MDGA2: variants seen among roughly 807,000 people sequenced by gnomAD.
The protein encoded by MDGA2 is MAM domain-containing glycosylphosphatidylinositol anchor protein 2.
MDGA2 carries 40 observed loss-of-function variants against 117.8 expected under a neutral mutation model. That is an observed-to-expected ratio of 0.34 (90% CI 0.26 to 0.44). The LOEUF (loss-of-function observed/expected upper bound fraction) is 0.44. Ranked by LOEUF, MDGA2 falls within the 20% of genes least tolerant of loss-of-function variation. The probability of loss-of-function intolerance (pLI) is 1.00; values close to 1 mark genes in which losing one functional copy is unlikely to be tolerated. For missense variants in MDGA2, 1,123 were observed against 1,250.6 expected, an observed-to-expected ratio of 0.90 and a Z score of 1.54; for synonymous variants, 452 against 439.0, an observed-to-expected ratio of 1.03 and a Z score of -0.37.
intron 1 of MDGA2, among the ~76,000 whole-genome samples, chr14:47,478,943 G>T (rs1893897763): frequency 6.6e-6 from 1 of 152,134 alleles, no homozygotes; most frequent in Non-Finnish European, 1.5e-5. Context: ...GGGCAAGTCA[G>T]ATTTTGCAAT....
chr14:47,097,523 T>C lies in MDGA2; in HGVS notation c.926-400A>G, dbSNP rs1880046168. 1.3e-5 allele frequency among the ~76,000 whole-genome samples: 2 copies of C among 152,014 alleles called. 1 individual carries two copies. Among genetic ancestry groups the C allele is most frequent in the South Asian group, 4.1e-4 (2 of 4,834 alleles). ...AGTCCTTGTATTTTCATGGTGAAGA[T>C]GGTTAATTATTTATTTTTTGGATCA... On this transcript the variant is annotated intron_variant, in intron 5 of 16. Coordinates refer to ENST00000399232, the MANE Select transcript of MDGA2 (RefSeq NM_001113498.3).
intron 8 of MDGA2, among the ~76,000 whole-genome samples, chr14:47,018,761 A>AAAAAAAAAAAAAC (rs1888176577): frequency 7.3e-6 from 1 of 136,884 alleles, no homozygotes; most frequent in Non-Finnish European, 1.6e-5. Flanking sequence ...AAAAAAAAAA[A>AAAAAAAAAAAAAC]AGTCTCCATT....
intron 1 of MDGA2, among the ~76,000 whole-genome samples, chr14:47,623,301 T>C (rs1438057660): frequency 1.3e-5 from 2 of 152,166 alleles, no homozygotes; most frequent in Non-Finnish European, 2.9e-5. Context: ...CATAAATTTC[T>C]TTTCTACATA....
intron 1 of MDGA2, among the ~76,000 whole-genome samples, chr14:47,659,638 G>C (rs1013454781): frequency 6.6e-6 from 1 of 152,114 alleles, no homozygotes; most frequent in African/African-American, 2.4e-5. Flanking sequence ...AGGTGTATAA[G>C]TGTATACCTC....
chr14:47,625,863 T>C (rs1157741590), intron 1 of MDGA2, among the ~76,000 whole-genome samples: 9 of 152,222 alleles, frequency 5.9e-5, no homozygotes, highest in Non-Finnish European at 1.3e-4. Context: ...TTAACCTTAA[T>C]CTCAGGAGCC....
chr14:47,386,217 G>T (rs571289498), intron 1 of MDGA2, among the ~76,000 whole-genome samples: 1 of 152,228 alleles, frequency 6.6e-6, no homozygotes, highest in East Asian at 1.9e-4. Context: ...GGAGGCGGAA[G>T]TTGCAGTGAG....
intron 1 of MDGA2, among the ~76,000 whole-genome samples, chr14:47,651,989 C>T (rs544622504): frequency 3.3e-5 from 5 of 152,190 alleles, no homozygotes; most frequent in Admixed American, 2.0e-4. Context: ...GTTACACATA[C>T]GGATCTGGAG....
intron 1 of MDGA2, among the ~76,000 whole-genome samples, chr14:47,508,290 A>C (rs1894558546): frequency 6.6e-6 from 1 of 151,546 alleles, no homozygotes; most frequent in Non-Finnish European, 1.5e-5. Flanking sequence ...GCTTCCTGTA[A>C]AAATATCTGA....
chr14:47,147,743 T>G (rs17118111), intron 3 of MDGA2, among the ~76,000 whole-genome samples: 18,411 of 152,140 alleles, frequency 0.12, 1,413 homozygotes, highest in African/African-American at 0.2. Context: ...AATCTATCTG[T>G]GAAAAGCTAT....
In MDGA2 at chr14:46,920,081, A is replaced by T; in HGVS notation, c.2169T>A (p.Ser723Arg). 1 of 1,611,472 alleles carries T rather than the reference A, an allele frequency of 6.2e-7. No homozygotes were observed. The highest frequency in any genetic ancestry group is 8.5e-7 in the Non-Finnish European group (1 of 1,178,882). ...CAGGATTCATCTGTGTCCACTGTAG[A>T]CTGTAAGAATAAACACGGTGTCTGT... is the stretch of plus-strand genomic sequence containing the variant. ...WQNRHRVYSY[S>R]LQWTQMNPDA... The change falls in exon 10 of 17, where the codon AGT (serine) becomes AGA (arginine). Residue 723 changes from serine (S) to arginine (R), a missense_variant. Coordinates refer to ENST00000399232, the MANE Select transcript of MDGA2 (RefSeq NM_001113498.3).
At chr14:47,545,886 G>C (rs1241886991) in intron 1 of MDGA2, among the ~76,000 whole-genome samples, 1 of 152,116 alleles carries the variant, frequency 6.6e-6, no homozygotes, top group Non-Finnish European at 1.5e-5. Flanking sequence ...TGCCTGGCTG[G>C]AATTAATGTA....
At chr14:47,625,207 C>A (rs748740796) in intron 1 of MDGA2, among the ~76,000 whole-genome samples, 1 of 151,920 alleles carries the variant, frequency 6.6e-6, no homozygotes, top group Non-Finnish European at 1.5e-5. Context: ...TTTTCTTTAG[C>A]ATACTGTAAG....
At position 47,284,539 on chromosome 14, in the gene MDGA2, A is replaced by G. The variant is rs114092445; in HGVS notation, c.420+16872T>C. Among the ~76,000 whole-genome samples, 656 of 152,178 alleles carry G rather than the reference A, an allele frequency of 4.3e-3. 4 individuals are homozygous for G. Among genetic ancestry groups the G allele is most frequent in the African/African-American group, 0.015 (631 of 41,512 alleles). On this transcript the variant is annotated intron_variant, in intron 2 of 16. Transcript: ENST00000399232. ...CCCAGCCGAAAGTTTTTGCTTGTCA[A>G]CCTGATACTATTTGGTTTCTTGGTT...
chr14:47,038,180 C>T (rs1192731635), intron 7 of MDGA2, among the ~76,000 whole-genome samples: 2 of 152,214 alleles, frequency 1.3e-5, no homozygotes, highest in African/African-American at 2.4e-5. Context: ...GATCTACCCT[C>T]CTCGGCCTCC....
chr14:47,107,302 T>A (rs12589535), intron 5 of MDGA2, among the ~76,000 whole-genome samples: 4 of 151,522 alleles, frequency 2.6e-5, no homozygotes, highest in African/African-American at 9.7e-5. Flanking sequence ...ACCAGACAAG[T>A]CTTACAAGTT....
intron 1 of MDGA2, among the ~76,000 whole-genome samples, chr14:47,309,464 T>C (rs879583695): frequency 8.5e-5 from 13 of 152,172 alleles, no homozygotes; most frequent in Admixed American, 8.5e-4. Flanking sequence ...CTTTCTCATA[T>C]GACTTTAGTT....
intron 3 of MDGA2, among the ~76,000 whole-genome samples, chr14:47,149,537 C>T (rs1230200561): frequency 6.6e-6 from 1 of 152,198 alleles, no homozygotes; most frequent in African/African-American, 2.4e-5. Context: ...AGGAGGTATT[C>T]TCCAAGCCTT....
intron 3 of MDGA2, among the ~76,000 whole-genome samples, chr14:47,154,474 A>G (rs1883288180): frequency 6.6e-6 from 1 of 152,156 alleles, no homozygotes; most frequent in African/African-American, 2.4e-5. Flanking sequence ...CAGCCGCAGC[A>G]GTGGACCCGG....
At chr14:47,123,512 C>G (rs973395068) in intron 5 of MDGA2, among the ~76,000 whole-genome samples, 1 of 151,934 alleles carries the variant, frequency 6.6e-6, no homozygotes, top group African/African-American at 2.4e-5. Context: ...TAGGAAATGA[C>G]AGAGCACTGA....
Sources: gnomAD v4.1 joint callset for allele counts (sites outside exome capture counted in the v4.1 genomes callset) on GRCh38, gnomAD v4.1.1 for gene constraint, MANE v1.5 for transcripts, NCBI Gene and HGNC (gene_info 2026-07-23, HGNC 2026-07-21) for gene names.